Variants in ABCB1 observed in about 807,000 individuals in gnomAD.
ABCB1 encodes ATP binding cassette subfamily B member 1.
A neutral mutation model predicts 142.0 loss-of-function variants in ABCB1; 69 were observed. The ratio of observed to expected loss-of-function variants is 0.49; its 90% confidence interval spans 0.40 to 0.59. The LOEUF (loss-of-function observed/expected upper bound fraction) is 0.59, where lower values mean the gene tolerates loss of function less well. ABCB1 is among the 20% of genes least tolerant of loss of function. The pLI is 0.00. For missense variants in ABCB1, 1,326 were observed against 1,554.7 expected (o/e 0.85, Z 2.47); for synonymous variants, 532 against 539.2 (o/e 0.99, Z 0.18).
At chr7:87,694,026 G>A in intron 1 of ABCB1, 2 of 1,591,486 alleles carry the variant, frequency 1.3e-6, no homozygotes, top group Non-Finnish European at 1.7e-6. Context: ...TTTCGGGGGA[G>A]GGCTGTATCA....
chr7:87,609,247 A>G (rs1819765109), intron 1 of ABCB1, among the ~76,000 whole-genome samples: 1 of 152,196 alleles, frequency 6.6e-6, no homozygotes, highest in Non-Finnish European at 1.5e-5. Context: ...CCAAGACGGG[A>G]TAGAGCAGAA....
chr7:87,661,069 A>G (rs1487328281), intron 1 of ABCB1, among the ~76,000 whole-genome samples: 1 of 151,714 alleles, frequency 6.6e-6, no homozygotes, highest in African/African-American at 2.4e-5. Flanking sequence ...GGCTTTATTT[A>G]TTGATATTAG....
chr7:87,667,352 G>T (rs905604502), intron 1 of ABCB1, among the ~76,000 whole-genome samples: 3 of 151,478 alleles, frequency 2.0e-5, no homozygotes, highest in Non-Finnish European at 2.9e-5. Flanking sequence ...CTGCAACTTT[G>T]CTGGAGTTGT....
chr7:87,655,033 A>G (rs1206910913), intron 1 of ABCB1, among the ~76,000 whole-genome samples: 2 of 152,136 alleles, frequency 1.3e-5, no homozygotes, highest in Non-Finnish European at 2.9e-5. Flanking sequence ...CCGAAGGATA[A>G]CAAGTGCTGG....
At chr7:87,598,611 C>T (rs183050211) in intron 2 of ABCB1, among the ~76,000 whole-genome samples, 1 of 152,264 alleles carries the variant, frequency 6.6e-6, no homozygotes, top group East Asian at 1.9e-4. Context: ...AAAATGATAG[C>T]TGGAATTTTT....
At chr7:87,692,779 G>T (rs1828134844) in intron 1 of ABCB1, among the ~76,000 whole-genome samples, 1 of 152,166 alleles carries the variant, frequency 6.6e-6, no homozygotes, top group Non-Finnish European at 1.5e-5. Context: ...TCAATGTTGA[G>T]AAATTTCATT....
intron 15 of ABCB1, among the ~76,000 whole-genome samples, 173 bp downstream of exon 15, chr7:87,545,690 C>T (rs1816748558): frequency 6.6e-6 from 1 of 152,124 alleles, no homozygotes; most frequent in Non-Finnish European, 1.5e-5. Context: ...TCTTTATTTT[C>T]CCCTCTTTCA....
intron 1 of ABCB1, among the ~76,000 whole-genome samples, chr7:87,655,849 G>A (rs894720604): frequency 4.6e-5 from 7 of 152,076 alleles, no homozygotes; most frequent in East Asian, 1.9e-4. Context: ...GCTCATAAGG[G>A]CAGAGCCCTC....
intron 26 of ABCB1, among the ~76,000 whole-genome samples, chr7:87,506,675 A>G (rs1261158166): frequency 6.6e-6 from 1 of 152,234 alleles, no homozygotes; most frequent in Admixed American, 6.5e-5. Flanking sequence ...ATTGTCACCA[A>G]CTATTCACTA....
At chr7:87,544,675 C>A in intron 16 of ABCB1, 148 bp downstream of exon 16, 1 of 776,834 alleles carries the variant, frequency 1.3e-6, no homozygotes, top group South Asian at 1.7e-5. Context: ...AAATTCTAAC[C>A]TGATTCTAAA....
intron 1 of ABCB1, among the ~76,000 whole-genome samples, chr7:87,607,225 G>A (rs1263170665): frequency 6.6e-6 from 1 of 152,086 alleles, no homozygotes; most frequent in African/African-American, 2.4e-5. Flanking sequence ...AAGAGTTATT[G>A]AGAAGATCAA....
intron 23 of ABCB1, among the ~76,000 whole-genome samples, chr7:87,518,437 G>C (rs931453095): frequency 4.6e-5 from 7 of 152,102 alleles, no homozygotes; most frequent in African/African-American, 7.2e-5. Context: ...ACTTGGTTTT[G>C]ATCTCTAGGC....
At chr7:87,511,652 A>G (rs1426620026) in intron 25 of ABCB1, among the ~76,000 whole-genome samples, 1 of 152,246 alleles carries the variant, frequency 6.6e-6, no homozygotes, top group Non-Finnish European at 1.5e-5. Flanking sequence ...AAAGTTAAGT[A>G]ACTTATACAA....
At chr7:87,629,644 T>C (rs1297423176) in intron 1 of ABCB1, among the ~76,000 whole-genome samples, 1 of 152,092 alleles carries the variant, frequency 6.6e-6, no homozygotes, top group Non-Finnish European at 1.5e-5. Flanking sequence ...TAATTACTAT[T>C]GGGCCGGGCG....
chr7:87,675,653 C>CAAAAAAAAAAAAAAAAAAAAG (rs200136132), intron 1 of ABCB1, among the ~76,000 whole-genome samples: 3 of 65,852 alleles, frequency 4.6e-5, no homozygotes, highest in African/African-American at 1.2e-4. Flanking sequence ...TATTCACATG[C>CAAAAAAAAAAAAAAAAAAAAG]AAAAAAAAAA....
At chr7:87,631,017 A>G (rs1401186950) in intron 1 of ABCB1, among the ~76,000 whole-genome samples, 1 of 152,242 alleles carries the variant, frequency 6.6e-6, no homozygotes, top group Non-Finnish European at 1.5e-5. Flanking sequence ...TGAAATGAAT[A>G]TGTGCTAACT....
chr7:87,548,801 C>CA (rs1160803860), intron 14 of ABCB1, among the ~76,000 whole-genome samples: 1 of 152,202 alleles, frequency 6.6e-6, no homozygotes, highest in African/African-American at 2.4e-5. Flanking sequence ...GCAGGACAGT[C>CA]AAACTCTGTT....
chr7:87,565,960 G>C, intron 7 of ABCB1, 110 bp downstream of exon 7: 1 of 1,264,444 alleles, frequency 7.9e-7, no homozygotes, highest in Non-Finnish European at 1.1e-6. Flanking sequence ...AAACGTAAAA[G>C]TAACAAGTAC....
At chr7:87,616,467 C>G (rs182770751) in intron 1 of ABCB1, among the ~76,000 whole-genome samples, 131 of 152,270 alleles carry the variant, frequency 8.6e-4, no homozygotes, top group African/African-American at 3.1e-3. Flanking sequence ...ATGTTAAGGT[C>G]AAAATCATGG....
Sources: allele counts gnomAD v4.1 joint callset (sites outside exome capture counted in the v4.1 genomes callset), GRCh38; gene constraint gnomAD v4.1.1; transcripts MANE v1.5; gene names NCBI Gene and HGNC (gene_info 2026-07-23, HGNC 2026-07-21).